The following USP4 variants were observed in gnomAD, a reference collection of about 807,000 sequenced individuals.
USP4 encodes the protein ubiquitin carboxyl-terminal hydrolase 4.
In USP4, 72 loss-of-function variants were observed where a neutral mutation model predicts 118.2. The observed-to-expected ratio is 0.61, with a 90% CI of 0.50 to 0.74. The LOEUF is 0.74. Among genes scored for constraint, USP4 ranks in the 30% least tolerant of loss-of-function variants. The pLI, the probability that USP4 is intolerant of heterozygous loss-of-function variation, is 0.00. For synonymous variants in USP4, 415 were observed against 440.4 expected, an observed-to-expected ratio of 0.94 and a Z score of 0.72; for missense variants, 1,037 against 1,185.7, an observed-to-expected ratio of 0.87 and a Z score of 1.84.
At chr3:49,335,419 A>G (rs41290702) in intron 2 of USP4, 50 bp downstream of exon 2, 19,211 of 1,612,620 alleles carry the variant, frequency 0.012, 152 homozygotes, top group South Asian at 0.015. Flanking sequence ...ACATAACATC[A>G]GGCCACTGCC....
intron 6 of USP4, among the ~76,000 whole-genome samples, chr3:49,314,825 G>C (rs1197124148): frequency 6.6e-6 from 1 of 152,034 alleles, no homozygotes; most frequent in Non-Finnish European, 1.5e-5. Flanking sequence ...AAGAGTTCAA[G>C]ATCAACCTGG....
chr3:49,331,407 G>C (rs2047616786), intron 2 of USP4, among the ~76,000 whole-genome samples: 3 of 151,778 alleles, frequency 2.0e-5, no homozygotes, highest in Non-Finnish European at 2.9e-5. Flanking sequence ...GATCACTTGA[G>C]GCCAGGAGTT....
At chr3:49,295,662 C>T (rs1444622710) in intron 13 of USP4, among the ~76,000 whole-genome samples, 1 of 151,120 alleles carries the variant, frequency 6.6e-6, no homozygotes, top group African/African-American at 2.4e-5. Context: ...GAGACACAAA[C>T]TTACTGATTC....
intron 9 of USP4, among the ~76,000 whole-genome samples, chr3:49,303,389 C>T (rs1256686767): frequency 7.2e-6 from 1 of 138,820 alleles, no homozygotes. Context: ...TGCAGTGAGC[C>T]GAAATTGTGC....
chr3:49,281,858 A>G (rs1440629471), intron 19 of USP4, among the ~76,000 whole-genome samples: 2 of 151,092 alleles, frequency 1.3e-5, no homozygotes. Context: ...TAAAAATACA[A>G]AAATTAGCTG....
chr3:49,304,998 G>A (rs1376067897), intron 9 of USP4, among the ~76,000 whole-genome samples: 1 of 151,574 alleles, frequency 6.6e-6, no homozygotes, highest in Non-Finnish European at 1.5e-5. Flanking sequence ...TCCTGACCTC[G>A]TGATCTGCCC....
At chr3:49,279,160 A>G (rs1224939700) in intron 20 of USP4, 1 of 248,994 alleles carries the variant, frequency 4.0e-6, no homozygotes, top group African/African-American at 2.3e-5. Context: ...AAACTAATAG[A>G]AAAAACAGAG....
Position 49,325,019 on chromosome 3 carries a change from G to A in USP4, c.508C>T (p.Arg170Trp), listed in dbSNP as rs750288650. ...TCCGCAGGGATGTTGAATAGCTTCCGCATCTCTTTCTCGATGGTTGCTAGG... is the reference window on the plus strand; with the variant it reads ...TCCGCAGGGATGTTGAATAGCTTCCACATCTCTTTCTCGATGGTTGCTAGG... ...DTIATIEKEM[R>W]KLFNIPAERE... Residue 170 changes from arginine (R) to tryptophan (W), a missense_variant, in exon 5 of 22, where the codon CGG becomes TGG. Physicochemically the swap from Arg to Trp is moderately radical, Grantham distance 101. Around this residue, in one of 3 missense-constraint regions of USP4, gnomAD observed 487 missense variants for 534.1 expected, o/e 0.91. Transcript: ENST00000265560. The A allele has an allele frequency of 1.7e-5, 28 of 1,613,560 alleles. No homozygotes were observed. In the East Asian group the frequency reaches 5.1e-4, roughly 30 times the overall value.
Position 49,330,921 on chromosome 3 carries a change from G to A in USP4, c.230-3105C>T, listed in dbSNP as rs1360273100. On this transcript the variant is annotated intron_variant, in intron 2 of 21. Coordinates refer to ENST00000265560, the MANE Select transcript of USP4 (RefSeq NM_003363.4). ...TGATCCCAGCTACTCAGGAGGCTGA[G>A]GCAGGAGAATCGTGTGAACCCGGGA... Among the ~76,000 whole-genome samples the A allele has an allele frequency of 3.3e-5, 5 of 151,852 alleles. No homozygotes were observed. In the East Asian group the frequency reaches 7.9e-4, roughly 24 times the overall value.
intron 6 of USP4, chr3:49,312,903 T>G (rs2047401280): frequency 6.7e-6 from 1 of 149,230 alleles, no homozygotes; most frequent in South Asian, 2.1e-4. Context: ...TTTTCTTTTT[T>G]TTTTTTGAGA....
At chr3:49,319,069 C>G (rs961639997) in intron 6 of USP4, among the ~76,000 whole-genome samples, 1 of 150,550 alleles carries the variant, frequency 6.6e-6, no homozygotes, top group African/African-American at 2.4e-5. Flanking sequence ...TGGCTCACAC[C>G]TGTAATTCCA....
intron 19 of USP4, among the ~76,000 whole-genome samples, chr3:49,283,729 C>T (rs933279125): frequency 2.0e-5 from 3 of 152,138 alleles, no homozygotes; most frequent in Admixed American, 6.6e-5. Flanking sequence ...CTAAGTGACT[C>T]GAGAGGGAAA....
intron 11 of USP4, 25 bp downstream of exon 11, chr3:49,300,442 G>A (rs766316105): frequency 4.8e-5 from 77 of 1,602,628 alleles, no homozygotes; most frequent in Non-Finnish European, 6.5e-5. Flanking sequence ...AGTGAGGGGT[G>A]CCATAAGGGT....
Position 49,305,700 on chromosome 3 carries a change from T to C in USP4, c.1128+15A>G, listed in dbSNP as rs2047306974. The C allele has an allele frequency of 1.9e-6, 3 of 1,588,994 alleles. No homozygotes were observed. Among genetic ancestry groups the C allele is most frequent in the Admixed American group, 1.8e-5 (1 of 55,518 alleles). On this transcript the variant is annotated intron_variant, in intron 9 of 21. Transcript: ENST00000265560. ...TACAGGGATACCCAACCCATATATA[T>C]ATATGTCTACCTACTTTGAACATGC... is the stretch of plus-strand genomic sequence containing the variant.
chr3:49,308,990 C>T (rs919092247), intron 8 of USP4, among the ~76,000 whole-genome samples: 4 of 145,700 alleles, frequency 2.7e-5, no homozygotes, highest in Non-Finnish European at 4.5e-5. Flanking sequence ...CAAGATTGCG[C>T]GACTGCACTC....
chr3:49,281,838 C>A (rs1214841840), intron 19 of USP4, among the ~76,000 whole-genome samples: 3 of 151,508 alleles, frequency 2.0e-5, no homozygotes, highest in African/African-American at 7.3e-5. Flanking sequence ...TGGTAAAACC[C>A]CGTCTCTACT....
chr3:49,290,030 G>T (rs944865752), intron 15 of USP4, among the ~76,000 whole-genome samples: 1 of 152,192 alleles, frequency 6.6e-6, no homozygotes, highest in Non-Finnish European at 1.5e-5. Flanking sequence ...GATGAGGTGG[G>T]AGGATTGCTT....
chr3:49,336,083 C>CA (rs1485878259), intron 1 of USP4, among the ~76,000 whole-genome samples: 1 of 150,816 alleles, frequency 6.6e-6, no homozygotes, highest in Non-Finnish European at 1.5e-5. Flanking sequence ...AGGCTGGTCT[C>CA]AAACTCCTGA....
chr3:49,320,271 T>C (rs377111745), intron 6 of USP4, among the ~76,000 whole-genome samples: 14 of 152,188 alleles, frequency 9.2e-5, no homozygotes, highest in African/African-American at 3.1e-4. Flanking sequence ...GGAGAAACCC[T>C]GTCTCTACTA....
Sources: gnomAD v4.1 joint callset for allele counts (sites outside exome capture counted in the v4.1 genomes callset) on GRCh38, gnomAD v4.1.1 for gene constraint, gnomAD v4.1.1 regional missense constraint, MANE v1.5 for transcripts, NCBI Gene and HGNC (gene_info 2026-07-23, HGNC 2026-07-21) for gene names.